ST7: variants seen among roughly 807,000 people sequenced by gnomAD.
ST7 encodes suppressor of tumorigenicity 7 protein.
In ST7, 28 loss-of-function variants were observed where a neutral mutation model predicts 78.7. That is an observed-to-expected ratio of 0.36 (90% CI 0.26 to 0.49). The LOEUF (loss-of-function observed/expected upper bound fraction) is 0.49. ST7 is among the 20% of genes least tolerant of loss of function. ST7 has a pLI of 0.99. For missense variants in ST7, 418 were observed against 696.0 expected, an observed-to-expected ratio of 0.60 and a Z score of 4.49; for synonymous variants, 247 against 249.6, an observed-to-expected ratio of 0.99 and a Z score of 0.10.
At chr7:117,065,695 G>C (rs1240298035) in intron 1 of ST7, among the ~76,000 whole-genome samples, 1 of 152,170 alleles carries the variant, frequency 6.6e-6, no homozygotes, top group East Asian at 1.9e-4. Context: ...ATTTCCTTCA[G>C]AGCACAGCAG....
At chr7:117,062,581 AT>A (rs938624574) in intron 1 of ST7, among the ~76,000 whole-genome samples, 1 of 152,018 alleles carries the variant, frequency 6.6e-6, no homozygotes, top group Non-Finnish European at 1.5e-5. Context: ...TCATGTGTTT[AT>A]TTTTTTCCCT....
chr7:117,122,182 G>A (rs959036719), intron 3 of ST7, among the ~76,000 whole-genome samples: 6 of 152,094 alleles, frequency 3.9e-5, no homozygotes, highest in East Asian at 1.9e-4. Context: ...TGGCATGTTC[G>A]AGAAATAAAA....
At chr7:117,023,563 G>A (rs945158749) in intron 1 of ST7, among the ~76,000 whole-genome samples, 8 of 152,206 alleles carry the variant, frequency 5.3e-5, no homozygotes, top group East Asian at 3.9e-4. Flanking sequence ...CTGTAACTCC[G>A]TTTATTACCA....
chr7:117,028,891 C>A (rs1474872823), intron 1 of ST7, among the ~76,000 whole-genome samples: 1 of 152,140 alleles, frequency 6.6e-6, no homozygotes, highest in Non-Finnish European at 1.5e-5. Context: ...AATGCCTATA[C>A]AGTTGACCCT....
intron 15 of ST7, chr7:117,223,697 T>G (rs2116199692): frequency 6.6e-6 from 1 of 152,590 alleles, no homozygotes; most frequent in Admixed American, 6.5e-5. Context: ...CTGAGTTAGG[T>G]GTCTGTCCTT....
chr7:117,205,854 G>A (rs961688922), intron 12 of ST7, among the ~76,000 whole-genome samples: 9 of 152,204 alleles, frequency 5.9e-5, no homozygotes, highest in African/African-American at 1.4e-4. Context: ...GCAGGATGGC[G>A]GGCAAAATAG....
chr7:117,209,160 G>A (rs1464364124), intron 12 of ST7, among the ~76,000 whole-genome samples: 2 of 152,058 alleles, frequency 1.3e-5, no homozygotes, highest in Non-Finnish European at 2.9e-5. Context: ...AGAGGTGTAC[G>A]CTGAGACCCC....
chr7:116,956,481 A>C (rs779460454), intron 1 of ST7: 1 of 471,150 alleles, frequency 2.1e-6, no homozygotes, highest in South Asian at 1.5e-5. Flanking sequence ...GAGGTTACTG[A>C]ATCTGGAGCT....
chr7:117,028,535 C>T (rs996094449), intron 1 of ST7, among the ~76,000 whole-genome samples: 3 of 152,042 alleles, frequency 2.0e-5, no homozygotes, highest in East Asian at 1.9e-4. Context: ...CCTGGTGGTA[C>T]GCATGGATGG....
intron 1 of ST7, among the ~76,000 whole-genome samples, chr7:117,092,456 T>C (rs1328963880): frequency 1.3e-5 from 2 of 152,138 alleles, no homozygotes; most frequent in African/African-American, 4.8e-5. Context: ...GGAAATCTGT[T>C]TGAAATTAGC....
chr7:117,084,054 T>C (rs1398224113), intron 1 of ST7, among the ~76,000 whole-genome samples: 1 of 152,220 alleles, frequency 6.6e-6, no homozygotes, highest in African/African-American at 2.4e-5. Context: ...AAAATGCTAC[T>C]TTTTACTCTA....
chr7:117,073,833 A>C (rs554241231), intron 1 of ST7: 1 of 152,372 alleles, frequency 6.6e-6, no homozygotes, highest in South Asian at 2.1e-4. Flanking sequence ...CCCAGCTTCC[A>C]GGAATCAGGA....
chr7:117,149,127 G>A (rs574470234), intron 9 of ST7, among the ~76,000 whole-genome samples: 47 of 152,182 alleles, frequency 3.1e-4, no homozygotes, highest in East Asian at 7.7e-4. Flanking sequence ...AGATACCCTG[G>A]TTAGCCTTTG....
intron 15 of ST7, among the ~76,000 whole-genome samples, chr7:117,226,975 G>A (rs1388040689): frequency 1.3e-5 from 2 of 152,208 alleles, no homozygotes; most frequent in Non-Finnish European, 2.9e-5. Context: ...ACTTTGCTGT[G>A]CAGCATGGGG....
chr7:117,199,761 G>A (rs564670021), intron 12 of ST7, among the ~76,000 whole-genome samples: 7 of 152,314 alleles, frequency 4.6e-5, no homozygotes, highest in South Asian at 2.1e-4. Context: ...AGACCGGGCC[G>A]TGCCCCTATG....
chr7:117,040,639 C>T (rs1258009784), intron 1 of ST7, among the ~76,000 whole-genome samples: 4 of 152,186 alleles, frequency 2.6e-5, no homozygotes, highest in Non-Finnish European at 4.4e-5. Context: ...TTTAAGGATT[C>T]ATCTAGTGAT....
intron 1 of ST7, among the ~76,000 whole-genome samples, chr7:116,960,305 T>G (rs949176688): frequency 6.6e-6 from 1 of 152,072 alleles, no homozygotes; most frequent in Non-Finnish European, 1.5e-5. Context: ...TTCTCATGCC[T>G]CACCCTCCCA....
chr7:117,067,431 T>C (rs1029290129), intron 1 of ST7, among the ~76,000 whole-genome samples: 5 of 152,292 alleles, frequency 3.3e-5, no homozygotes, highest in Admixed American at 6.5e-5. Context: ...GACCCCAGTA[T>C]AGAACTGAGC....
intron 1 of ST7, among the ~76,000 whole-genome samples, chr7:117,093,689 A>AGACTCCGTCT (rs1365012188): frequency 2.6e-5 from 4 of 152,182 alleles, no homozygotes; most frequent in Admixed American, 1.3e-4. Context: ...CGACGGAGTG[A>AGACTCCGTCT]GACTCCGTCT....
Sources: gnomAD v4.1 joint callset for allele counts (sites outside exome capture counted in the v4.1 genomes callset) on GRCh38, gnomAD v4.1.1 for gene constraint, MANE v1.5 for transcripts, NCBI Gene and HGNC (gene_info 2026-07-23, HGNC 2026-07-21) for gene names.